Variants in PTPRG observed in about 807,000 individuals in gnomAD.
The protein encoded by PTPRG is protein tyrosine phosphatase receptor type G.
In PTPRG, 102 loss-of-function variants were observed where a neutral mutation model predicts 165.3. That is an observed-to-expected ratio of 0.62 (90% CI 0.53 to 0.73). The LOEUF is 0.73. Among genes scored for constraint, PTPRG ranks in the 30% least tolerant of loss-of-function variants. The pLI, the probability that PTPRG is intolerant of heterozygous loss-of-function variation, is 0.00. For missense variants in PTPRG, 1,866 were observed against 1,861.4 expected, an observed-to-expected ratio of 1.00 and a Z score of -0.05; for synonymous variants, 675 against 669.5, an observed-to-expected ratio of 1.01 and a Z score of -0.13.
chr3:62,113,745 G>A (rs925926909), intron 5 of PTPRG, among the ~76,000 whole-genome samples: 2 of 152,156 alleles, frequency 1.3e-5, no homozygotes, highest in Admixed American at 6.5e-5. Context: ...TGAATAAAAC[G>A]AAACTACTAT....
chr3:62,140,728 T>TCCCAGCTAC (rs1703893907), intron 6 of PTPRG, among the ~76,000 whole-genome samples: 2 of 151,720 alleles, frequency 1.3e-5, no homozygotes, highest in African/African-American at 4.8e-5. Context: ...GCGCCTGTAG[T>TCCCAGCTAC]CCCAGCTACT....
rs185073403 is a variant in PTPRG, at chr3:61,652,473, C to A, written c.85+90101C>A. On this transcript the variant is annotated intron_variant, in intron 1 of 29. Transcript: ENST00000474889. ...CGGTGCAATCTATTTTCCCTGATGG[C>A]CAGGACACTTGTTGAGCTCTTTCTT... Among the ~76,000 whole-genome samples the A allele has an allele frequency of 1.6e-3, 240 of 150,174 alleles. 1 individual carries two copies. Among genetic ancestry groups the A allele is most frequent in the Admixed American group, 0.015 (225 of 15,216 alleles).
chr3:62,055,824 G>T (rs1700614747), intron 4 of PTPRG, among the ~76,000 whole-genome samples: 1 of 152,166 alleles, frequency 6.6e-6, no homozygotes, highest in Admixed American at 6.5e-5. Context: ...AATTTTTAAA[G>T]AACATAGTCA....
chr3:61,725,025 T>C (rs1471256872), intron 1 of PTPRG, among the ~76,000 whole-genome samples: 4 of 152,214 alleles, frequency 2.6e-5, no homozygotes, highest in Non-Finnish European at 5.9e-5. Context: ...ATGCTTTGGT[T>C]GTCATATCTG....
chr3:61,738,324 A>ATATGTGTATATATATATATGTG (rs1353314354), intron 1 of PTPRG, among the ~76,000 whole-genome samples: 1 of 93,654 alleles, frequency 1.1e-5, no homozygotes, highest in Admixed American at 1.2e-4. Flanking sequence ...ATATATATAT[A>ATATGTGTATATATATATATGTG]TATATATATA....
At chr3:62,116,684 G>A (rs1392774514) in intron 5 of PTPRG, among the ~76,000 whole-genome samples, 3 of 152,152 alleles carry the variant, frequency 2.0e-5, no homozygotes, top group Non-Finnish European at 4.4e-5. Context: ...GGTTGCATGG[G>A]TGTATACAGA....
intron 2 of PTPRG, among the ~76,000 whole-genome samples, chr3:61,964,065 A>G (rs1310230354): frequency 6.6e-6 from 1 of 152,242 alleles, no homozygotes; most frequent in Non-Finnish European, 1.5e-5. Flanking sequence ...CAGGGAACAC[A>G]TAAGTAGCTG....
intron 10 of PTPRG, among the ~76,000 whole-genome samples, chr3:62,198,966 C>T (rs1405033491): frequency 6.6e-6 from 1 of 152,216 alleles, no homozygotes; most frequent in Admixed American, 6.5e-5. Flanking sequence ...CCTGTAGAAG[C>T]TAGTCCTAGT....
At chr3:61,697,293 C>T (rs968105657) in intron 1 of PTPRG, among the ~76,000 whole-genome samples, 17 of 152,150 alleles carry the variant, frequency 1.1e-4, no homozygotes, top group African/African-American at 4.1e-4. Context: ...CTTCGGCATG[C>T]TGAGTACTTT....
chr3:61,612,061 G>A (rs1701186041), intron 1 of PTPRG, among the ~76,000 whole-genome samples: 1 of 152,100 alleles, frequency 6.6e-6, no homozygotes, highest in South Asian at 2.1e-4. Context: ...TCCTGTCTCA[G>A]CCTCCCGAGT....
In PTPRG at chr3:61,596,779, T is replaced by TTTATTA. The variant is rs10586288; in HGVS notation, c.85+34424_85+34429dup. On this transcript the variant is annotated intron_variant, in intron 1 of 29. Transcript: ENST00000474889. Reference sequence around the variant, plus strand: ...AATATGAGTTTAGAGTCTCAATTAGTTTATTATTATTATTATTATTATGTT... The same window carrying TTTATTA: ...AATATGAGTTTAGAGTCTCAATTAGTTTATTATTATTATTATTATTATTATTATGTT... Among the ~76,000 whole-genome samples, 576 of 151,400 alleles carry TTTATTA rather than the reference T, an allele frequency of 3.8e-3. 5 individuals carry two copies. The highest frequency in any genetic ancestry group is 0.013 in the African/African-American group (540 of 41,188).
chr3:61,929,389 G>A (rs1306216169), intron 2 of PTPRG, among the ~76,000 whole-genome samples: 2 of 151,990 alleles, frequency 1.3e-5, no homozygotes, highest in Non-Finnish European at 2.9e-5. Flanking sequence ...TTTCTTTAGT[G>A]GCATTCTCTT....
chr3:61,997,841 C>G (rs1389255550), intron 3 of PTPRG, among the ~76,000 whole-genome samples: 14 of 152,232 alleles, frequency 9.2e-5, no homozygotes, highest in Non-Finnish European at 7.3e-5. Flanking sequence ...TTCTGACTTT[C>G]AGACAACAGC....
chr3:62,186,091 C>T (rs1705870755), intron 8 of PTPRG, among the ~76,000 whole-genome samples: 1 of 152,162 alleles, frequency 6.6e-6, no homozygotes, highest in Admixed American at 6.5e-5. Context: ...TGCTCGCTTG[C>T]CTGAGTTATT....
intron 1 of PTPRG, among the ~76,000 whole-genome samples, chr3:61,698,407 G>A (rs1030798249): frequency 1.3e-5 from 2 of 152,108 alleles, no homozygotes; most frequent in African/African-American, 4.8e-5. Context: ...CATAGATAAT[G>A]CATAAGTGAA....
intron 6 of PTPRG, among the ~76,000 whole-genome samples, chr3:62,135,490 C>A (rs1228877127): frequency 1.3e-5 from 2 of 152,034 alleles, no homozygotes; most frequent in Non-Finnish European, 2.9e-5. Flanking sequence ...TTTATTTCTT[C>A]AGCTCTGGGA....
intron 10 of PTPRG, among the ~76,000 whole-genome samples, chr3:62,197,782 A>G (rs1006392582): frequency 6.6e-6 from 1 of 152,228 alleles, no homozygotes; most frequent in Non-Finnish European, 1.5e-5. Flanking sequence ...TTGTAATATA[A>G]TGTAATTCAA....
Position 62,218,832 on chromosome 3 carries a change from G to A in PTPRG, c.2156-19G>A, listed in dbSNP as rs375050134. On this transcript the variant is annotated intron_variant, in intron 12 of 29. Coordinates refer to ENST00000474889, the MANE Select transcript of PTPRG (RefSeq NM_002841.4). ...TCCACTAACCTCTGTCCTCTAACTG[G>A]GATGATTTCTCTTGGCAGCGGAAAA... is the stretch of plus-strand genomic sequence containing the variant. 3.7e-6 allele frequency: 6 copies of A among 1,609,626 alleles called. No individual in the cohort carries two copies. The African/African-American group carries it at 5.3e-5, about 14-fold the overall frequency.
intron 2 of PTPRG, among the ~76,000 whole-genome samples, chr3:61,819,354 G>A (rs113818774): frequency 1.2e-4 from 19 of 152,266 alleles, no homozygotes; most frequent in African/African-American, 4.6e-4. Flanking sequence ...GTAGAGGTCG[G>A]TAAATGATTG....
Sources: allele counts gnomAD v4.1 joint callset (sites outside exome capture counted in the v4.1 genomes callset), GRCh38; gene constraint gnomAD v4.1.1; transcripts MANE v1.5; gene names NCBI Gene and HGNC (gene_info 2026-07-23, HGNC 2026-07-21).